The following NRXN1 variants were observed in gnomAD, a reference collection of about 807,000 sequenced individuals.
NRXN1 encodes the protein neurexin-1.
In NRXN1, 39 loss-of-function variants were observed where a neutral mutation model predicts 150.9. That is an observed-to-expected ratio of 0.26 (90% confidence interval 0.20 to 0.34). The LOEUF (loss-of-function observed/expected upper bound fraction) is 0.34. NRXN1 is among the 10% of genes least tolerant of loss of function. The probability of loss-of-function intolerance (pLI) is 1.00; values close to 1 mark genes in which losing one functional copy is unlikely to be tolerated. For synonymous variants in NRXN1, 924 were observed against 757.0 expected, an observed-to-expected ratio of 1.22 and a Z score of -3.62; for missense variants, 1,815 against 1,949.9, an observed-to-expected ratio of 0.93 and a Z score of 1.30.
At chr2:50,700,096 C>T (rs1693522722) in intron 5 of NRXN1, among the ~76,000 whole-genome samples, 1 of 152,108 alleles carries the variant, frequency 6.6e-6, no homozygotes, top group South Asian at 2.1e-4. Context: ...ATATGTTTGT[C>T]CTTTGATAAA....
intron 5 of NRXN1, among the ~76,000 whole-genome samples, chr2:50,779,328 AT>A (rs1704051602): frequency 6.6e-6 from 1 of 152,152 alleles, no homozygotes. Flanking sequence ...AGTTTAATCC[AT>A]GTCCCTGCAA....
intron 3 of NRXN1, among the ~76,000 whole-genome samples, chr2:50,924,199 C>T (rs962385378): frequency 1.3e-5 from 2 of 151,686 alleles, no homozygotes; most frequent in Non-Finnish European, 3.0e-5. Context: ...ATATTAGGTA[C>T]TTCCAACGGT....
intron 5 of NRXN1, among the ~76,000 whole-genome samples, chr2:50,908,022 C>A (rs906511248): frequency 1.3e-5 from 2 of 152,098 alleles, no homozygotes; most frequent in African/African-American, 4.8e-5. Flanking sequence ...TATTACAGGG[C>A]TTTTAACTAT....
At chr2:50,926,375 A>G (rs1213123858) in intron 2 of NRXN1, among the ~76,000 whole-genome samples, 1 of 151,980 alleles carries the variant, frequency 6.6e-6, no homozygotes, top group African/African-American at 2.4e-5. Context: ...TATTGGAAAG[A>G]GCTATGAAAT....
rs190785075 is a variant in NRXN1, at chr2:50,966,702, G to C, written c.773-40747C>G. Among the ~76,000 whole-genome samples the C allele has an allele frequency of 6.6e-4, 100 of 151,916 alleles. 1 individual carries two copies. The highest frequency in any genetic ancestry group is 2.3e-3 in the African/African-American group (94 of 41,520). ...AAACATCAATTAACAGAAAATGTGAGGCAAATGTTGTATGGGTAGATTGGC... is the reference window on the plus strand; with the variant it reads ...AAACATCAATTAACAGAAAATGTGACGCAAATGTTGTATGGGTAGATTGGC... On this transcript the variant is annotated intron_variant, in intron 2 of 22. Transcript: ENST00000401669.
chr2:50,135,662 G>A (rs1462121769), intron 18 of NRXN1, among the ~76,000 whole-genome samples: 1 of 152,078 alleles, frequency 6.6e-6, no homozygotes, highest in Non-Finnish European at 1.5e-5. Flanking sequence ...TTGCACTCCA[G>A]CCTGGGCGAC....
chr2:50,596,753 C>T (rs141879217), intron 8 of NRXN1, among the ~76,000 whole-genome samples: 2 of 152,232 alleles, frequency 1.3e-5, no homozygotes, highest in East Asian at 1.9e-4. Flanking sequence ...CCTTCAGGAG[C>T]CCCACCTGAC....
chr2:50,263,198 A>G (rs576756018), intron 17 of NRXN1, among the ~76,000 whole-genome samples: 1 of 150,820 alleles, frequency 6.6e-6, no homozygotes, highest in African/African-American at 2.4e-5. Context: ...ACACACATAC[A>G]CAAACAGCAA....
chr2:50,610,642 C>CATACATATATAT (rs1553879967), intron 8 of NRXN1, among the ~76,000 whole-genome samples: 147 of 42,832 alleles, frequency 3.4e-3, no homozygotes, highest in African/African-American at 0.011. Flanking sequence ...TAAATAGATA[C>CATACATATATAT]ATATATATAT....
chr2:50,339,124 T>A (rs1353430285), intron 17 of NRXN1, among the ~76,000 whole-genome samples: 4 of 152,200 alleles, frequency 2.6e-5, no homozygotes, highest in Non-Finnish European at 5.9e-5. Context: ...ATGATTATCA[T>A]GGCATCATGG....
In NRXN1 at chr2:50,553,041, A is replaced by G; in HGVS notation, c.1321-16T>C. The stretch of plus-strand genomic sequence containing the variant: ...TATATACAACCTGTGGGCAGAGGAT[A>G]GCAGTGAGAAACTAGCCTCCATATT... On this transcript the variant is annotated splice_polypyrimidine_tract_variant and intron_variant, in intron 8 of 22. Coordinates refer to ENST00000401669, the MANE Select transcript of NRXN1 (RefSeq NM_001330078.2). 1 of 1,556,332 alleles carries G rather than the reference A, an allele frequency of 6.4e-7. No homozygotes were observed.
At chr2:50,002,204 G>A (rs1259247067) in intron 21 of NRXN1, among the ~76,000 whole-genome samples, 1 of 152,066 alleles carries the variant, frequency 6.6e-6, no homozygotes, top group Non-Finnish European at 1.5e-5. Context: ...TAACAAATGT[G>A]TTGTCTAGAG....
At position 50,208,522 on chromosome 2, in the gene NRXN1, T is replaced by C. The variant is rs539754301; in HGVS notation, c.3546+28267A>G. ...GGGATATAGCTTTTCTTCCAGCATATGACATTCACTAAAATGCTATTTGCT... is the reference window on the plus strand; with the variant it reads ...GGGATATAGCTTTTCTTCCAGCATACGACATTCACTAAAATGCTATTTGCT... On this transcript the variant is annotated intron_variant, in intron 18 of 22. Coordinates refer to ENST00000401669, the MANE Select transcript of NRXN1 (RefSeq NM_001330078.2). Among the ~76,000 whole-genome samples the C allele has an allele frequency of 6.6e-5, 10 of 152,218 alleles. No homozygotes were observed. In the East Asian group the frequency reaches 1.9e-3, roughly 29 times the overall value.
chr2:50,873,304 C>T (rs1367979846), intron 5 of NRXN1, among the ~76,000 whole-genome samples: 2 of 151,758 alleles, frequency 1.3e-5, no homozygotes, highest in South Asian at 2.1e-4. Flanking sequence ...AATATCAAAA[C>T]AAACAAATCT....
chr2:50,171,364 A>G (rs1326296565), intron 18 of NRXN1, among the ~76,000 whole-genome samples: 1 of 152,112 alleles, frequency 6.6e-6, no homozygotes, highest in Non-Finnish European at 1.5e-5. Flanking sequence ...TTTCTATTCT[A>G]TTTCATATCA....
rs554720594 is a variant in NRXN1, at chr2:50,165,732, G to A, written c.3546+71057C>T. 2.0e-5 allele frequency among the ~76,000 whole-genome samples: 3 copies of A among 152,194 alleles called. No homozygotes were observed. In the East Asian group the frequency reaches 5.8e-4, roughly 29 times the overall value. On this transcript the variant is annotated intron_variant, in intron 18 of 22. Transcript: ENST00000401669. ...GAGAACAATGTGCTCTACCTCACAG[G>A]GCTTTTATGATGAACAAATCGGACA... is the stretch of plus-strand genomic sequence containing the variant.
chr2:50,515,391 T>C (rs1476475904), intron 12 of NRXN1, among the ~76,000 whole-genome samples: 1 of 152,304 alleles, frequency 6.6e-6, no homozygotes, highest in African/African-American at 2.4e-5. Flanking sequence ...GGATGATACA[T>C]GTAGTGAAAT....
At chr2:50,921,818 A>C in intron 5 of NRXN1, 51 bp downstream of exon 5, 1 of 924,092 alleles carries the variant, frequency 1.1e-6, no homozygotes, top group Admixed American at 3.0e-5. Context: ...TAACTCAGAC[A>C]CACTGTAATT....
intron 17 of NRXN1, among the ~76,000 whole-genome samples, chr2:50,454,664 TCACA>T (rs3052512): frequency 0.036 from 5,031 of 140,746 alleles, 90 homozygotes; most frequent in Middle Eastern, 0.12. Flanking sequence ...TGGGCAAAGA[TCACA>T]CACACACACA....
Sources: gnomAD v4.1 joint callset for allele counts (sites outside exome capture counted in the v4.1 genomes callset) on GRCh38, gnomAD v4.1.1 for gene constraint, MANE v1.5 for transcripts, NCBI Gene and HGNC (gene_info 2026-07-23, HGNC 2026-07-21) for gene names.